The following TNRC6B variants were observed in gnomAD, a reference collection of about 807,000 sequenced individuals.
The protein encoded by TNRC6B is trinucleotide repeat-containing gene 6B protein.
In TNRC6B, 52 loss-of-function variants were observed where a neutral mutation model predicts 203.6. The observed-to-expected ratio is 0.26, with a 90% CI of 0.20 to 0.32. The LOEUF is 0.32. Ranked by LOEUF, TNRC6B falls within the 10% of genes least tolerant of loss-of-function variation. The pLI, the probability that TNRC6B is intolerant of heterozygous loss-of-function variation, is 1.00. For synonymous variants in TNRC6B, 838 were observed against 845.7 expected (o/e 0.99, Z 0.16); for missense variants, 1,923 against 2,286.2 (o/e 0.84, Z 3.24).
chr22:40,050,043 G>C (rs2067732304), intron 1 of TNRC6B, among the ~76,000 whole-genome samples: 1 of 151,946 alleles, frequency 6.6e-6, no homozygotes, highest in African/African-American at 2.4e-5. Context: ...GTGTTTTTCA[G>C]TGGTGCCATC....
intron 1 of TNRC6B, among the ~76,000 whole-genome samples, chr22:40,222,000 A>C (rs1020349512): frequency 3.3e-5 from 5 of 152,020 alleles, no homozygotes. Context: ...AATGTACCAG[A>C]AGGTAGGATG....
chr22:40,293,806 C>T (rs1366513766), intron 12 of TNRC6B, among the ~76,000 whole-genome samples: 2 of 151,910 alleles, frequency 1.3e-5, no homozygotes, highest in African/African-American at 4.8e-5. Flanking sequence ...ATTTTGAGCG[C>T]AGTTAATATA....
At chr22:40,162,108 T>A (rs2089219824) in intron 4 of TNRC6B, among the ~76,000 whole-genome samples, 1 of 152,166 alleles carries the variant, frequency 6.6e-6, no homozygotes, top group African/African-American at 2.4e-5. Flanking sequence ...AATTTTTATT[T>A]TTTTTGAGAC....
Position 40,320,043 on chromosome 22 carries a change from G to T in TNRC6B, c.4975-1047G>T, listed in dbSNP as rs575183747. Among the ~76,000 whole-genome samples the T allele has an allele frequency of 7.9e-5, 12 of 152,246 alleles. No individual in the cohort carries two copies. The South Asian group carries it at 2.5e-3, about 32-fold the overall frequency. ...CATTTCTGTGATCATTTTCTGCAAAGAACTACAGAGAAACTGCCTGTTTTC... is the reference window on the plus strand; with the variant it reads ...CATTTCTGTGATCATTTTCTGCAAATAACTACAGAGAAACTGCCTGTTTTC... On this transcript the variant is annotated intron_variant, in intron 21 of 22. Coordinates refer to ENST00000454349, the MANE Select transcript of TNRC6B (RefSeq NM_001162501.2).
intron 1 of TNRC6B, among the ~76,000 whole-genome samples, chr22:40,073,045 T>C (rs2146281932): frequency 6.6e-6 from 1 of 151,950 alleles, no homozygotes; most frequent in South Asian, 2.1e-4. Flanking sequence ...CATAAGGACA[T>C]TCAGTCTCAA....
At chr22:40,120,932 A>T (rs1222339191) in intron 2 of TNRC6B, among the ~76,000 whole-genome samples, 1 of 152,192 alleles carries the variant, frequency 6.6e-6, no homozygotes, top group East Asian at 1.9e-4. Flanking sequence ...AGAGCAGAAC[A>T]GGTGTCCCCA....
intron 1 of TNRC6B, among the ~76,000 whole-genome samples, chr22:40,185,423 C>G (rs1297050680): frequency 1.3e-5 from 2 of 152,206 alleles, no homozygotes; most frequent in African/African-American, 4.8e-5. Context: ...CATATACTCT[C>G]ATTACCATAA....
chr22:40,224,726 CCCTT>C (rs1249953212), intron 1 of TNRC6B, among the ~76,000 whole-genome samples: 1 of 152,228 alleles, frequency 6.6e-6, no homozygotes, highest in Non-Finnish European at 1.5e-5. Flanking sequence ...TCTCTCCTTT[CCCTT>C]CCTTCCTCTC....
intron 2 of TNRC6B, among the ~76,000 whole-genome samples, chr22:40,121,399 T>C (rs1227520640): frequency 6.6e-6 from 1 of 152,254 alleles, no homozygotes; most frequent in Admixed American, 6.5e-5. Context: ...TTGCAGCTTA[T>C]ATGCAGCGAG....
At chr22:40,067,381 C>T (rs1261852146) in intron 1 of TNRC6B, among the ~76,000 whole-genome samples, 4 of 152,062 alleles carry the variant, frequency 2.6e-5, no homozygotes, top group Non-Finnish European at 4.4e-5. Flanking sequence ...GATGCCTTGA[C>T]TCTGGATATA....
At chr22:40,246,993 C>T (rs974646941) in intron 2 of TNRC6B, among the ~76,000 whole-genome samples, 2 of 152,086 alleles carry the variant, frequency 1.3e-5, no homozygotes, top group African/African-American at 2.4e-5. Context: ...CTCAGGTGAG[C>T]GGTTTGTCCG....
At chr22:40,209,263 GC>G (rs5845450) in intron 1 of TNRC6B, among the ~76,000 whole-genome samples, 103,249 of 152,024 alleles carry the variant, frequency 0.68, 36,808 homozygotes, top group African/African-American at 0.9. Context: ...GCTTATACCT[GC>G]CCCCTTTCTA....
chr22:40,123,290 G>A (rs147237939), intron 2 of TNRC6B, among the ~76,000 whole-genome samples: 78 of 152,222 alleles, frequency 5.1e-4, no homozygotes, highest in African/African-American at 1.7e-3. Context: ...AGTCGGTAAC[G>A]GGAAATAGCA....
At chr22:40,313,264 G>A (rs1217752386) in intron 19 of TNRC6B, among the ~76,000 whole-genome samples, 2 of 152,152 alleles carry the variant, frequency 1.3e-5, no homozygotes, top group African/African-American at 4.8e-5. Flanking sequence ...CTGGAGTCAC[G>A]TCCTAATGAC....
intron 1 of TNRC6B, among the ~76,000 whole-genome samples, chr22:40,226,442 A>C (rs1283005647): frequency 6.6e-6 from 1 of 152,168 alleles, no homozygotes; most frequent in African/African-American, 2.4e-5. Context: ...CAGGAAGCCC[A>C]CCTGCCGTCA....
chr22:40,169,961 A>G (rs1241484727), intron 4 of TNRC6B, among the ~76,000 whole-genome samples: 1 of 152,034 alleles, frequency 6.6e-6, no homozygotes, highest in Non-Finnish European at 1.5e-5. Context: ...ACTAATTCAT[A>G]AGTATCTCAG....
At chr22:40,264,380 G>A (rs2070439256) in intron 4 of TNRC6B, among the ~76,000 whole-genome samples, 1 of 152,174 alleles carries the variant, frequency 6.6e-6, no homozygotes, top group Non-Finnish European at 1.5e-5. Flanking sequence ...GTAGGTTGAA[G>A]ATACAGAGCA....
chr22:40,310,206 A>G (rs1382976825), intron 16 of TNRC6B, among the ~76,000 whole-genome samples: 1 of 152,186 alleles, frequency 6.6e-6, no homozygotes, highest in Non-Finnish European at 1.5e-5. Context: ...GTGTGAGGCC[A>G]CGGATCCCAG....
At position 40,255,358 on chromosome 22, in the gene TNRC6B, G is replaced by A. The variant is rs184131830; in HGVS notation, c.115+4158G>A. On this transcript the variant is annotated intron_variant, in intron 3 of 22. Coordinates refer to ENST00000454349, the MANE Select transcript of TNRC6B (RefSeq NM_001162501.2). ...CTGGGGTTATGGGCCATCGCAGGAC[G>A]TTGGCTACCACTCTTTGTTTTGAGC... Among the ~76,000 whole-genome samples, 25 of 152,330 alleles carry A rather than the reference G, an allele frequency of 1.6e-4. No individual in the cohort carries two copies. The East Asian group carries it at 2.5e-3, about 15-fold the overall frequency.
Sources: allele counts gnomAD v4.1 joint callset (sites outside exome capture counted in the v4.1 genomes callset), GRCh38; gene constraint gnomAD v4.1.1; transcripts MANE v1.5; gene names NCBI Gene and HGNC (gene_info 2026-07-23, HGNC 2026-07-21).